The following TRPA1 variants were observed in gnomAD, a reference collection of about 807,000 sequenced individuals.
TRPA1 encodes the protein ankyrin-like with transmembrane domains 1.
TRPA1 carries 129 observed loss-of-function variants against 131.3 expected under a neutral mutation model. That is an observed-to-expected ratio of 0.98 (90% CI 0.85 to 1.14). The LOEUF (loss-of-function observed/expected upper bound fraction) is 1.14, where lower values mean the gene tolerates loss of function less well. Ranked by LOEUF, TRPA1 falls within the 50% of genes most tolerant of loss-of-function variation. The probability of loss-of-function intolerance (pLI) is 0.00; values close to 1 mark genes in which losing one functional copy is unlikely to be tolerated. For missense variants in TRPA1, 1,304 were observed against 1,354.2 expected (o/e 0.96, Z 0.58); for synonymous variants, 441 against 451.7 (o/e 0.98, Z 0.30).
At chr8:72,054,306 C>T (rs1263229766) in intron 12 of TRPA1, 1 of 215,598 alleles carries the variant, frequency 4.6e-6, no homozygotes, top group Admixed American at 5.3e-5. Context: ...GGTAATACTA[C>T]TAGTAATATG....
chr8:72,057,028 A>AG lies in TRPA1; in HGVS notation c.1094-12_1094-11insC, dbSNP rs1563398678. The stretch of plus-strand genomic sequence containing the variant: ...TGTCTACTTGGGCACCTAAAAAAAA[A>AG]CACTATGTAAATATAAATTCTATTC... On this transcript the variant is annotated splice_polypyrimidine_tract_variant and intron_variant, in intron 9 of 26. Coordinates refer to ENST00000262209, the MANE Select transcript of TRPA1 (RefSeq NM_007332.3). The AG allele has an allele frequency of 6.4e-7, 1 of 1,563,216 alleles. No individual in the cohort carries two copies.
At chr8:72,075,988 T>C (rs1213225639), upstream of TRPA1, among the ~76,000 whole-genome samples, 1 of 151,776 alleles carries the variant, frequency 6.6e-6, no homozygotes, top group African/African-American at 2.4e-5. Flanking sequence ...TTTCAGGAGT[T>C]TTTTCTAACT....
chr8:72,065,874 T>G (rs1385413298), intron 3 of TRPA1, among the ~76,000 whole-genome samples: 3 of 152,068 alleles, frequency 2.0e-5, no homozygotes, highest in Non-Finnish European at 4.4e-5. Context: ...GTAAGTGAAG[T>G]TATGTTAACT....
chr8:72,025,021 C>T, intron 25 of TRPA1, among the ~76,000 whole-genome samples: 1 of 152,038 alleles, frequency 6.6e-6, no homozygotes, highest in East Asian at 1.9e-4. Flanking sequence ...TATGGCCCTT[C>T]TTCCATTATA....
chr8:72,036,166 T>C, intron 21 of TRPA1, 122 bp downstream of exon 21: 1 of 1,046,592 alleles, frequency 9.6e-7, no homozygotes, highest in Non-Finnish European at 1.4e-6. Flanking sequence ...ACAAAAATTC[T>C]TCATATTTTG....
intron 24 of TRPA1, among the ~76,000 whole-genome samples, chr8:72,028,452 C>T (rs190842008): frequency 6.6e-4 from 100 of 152,318 alleles, no homozygotes; most frequent in African/African-American, 1.9e-3. Flanking sequence ...CCTTTCACGA[C>T]GGTATCGATG....
intron 18 of TRPA1, among the ~76,000 whole-genome samples, chr8:72,039,429 T>C (rs1812170964): frequency 1.3e-5 from 2 of 152,022 alleles, no homozygotes; most frequent in Admixed American, 6.6e-5. Context: ...AAAGAGCTTC[T>C]TCATGTCTTA....
chr8:72,087,064 AG>A, the TRPA1 span, among the ~76,000 whole-genome samples: 4 of 152,074 alleles, frequency 2.6e-5, no homozygotes, highest in Non-Finnish European at 5.9e-5. Flanking sequence ...ACTTCTTTGA[AG>A]GCTCACCTCT....
rs190590100 is a variant in TRPA1 at position 72,073,683 on chromosome 8, C to T, written c.111+1616G>A. Among the ~76,000 whole-genome samples the T allele has an allele frequency of 2.0e-4, 31 of 152,246 alleles. No homozygotes were observed. The East Asian group carries it at 4.4e-3, about 22-fold the overall frequency. ...ATCTAAATAAAGACTATTAGAAACA[C>T]GAAGACAAATAATTTTGAGACTCGC... On this transcript the variant is annotated intron_variant, in intron 1 of 26. Coordinates refer to ENST00000262209, the MANE Select transcript of TRPA1 (RefSeq NM_007332.3).
At chr8:72,071,421 A>G (rs1225054505) in intron 2 of TRPA1, among the ~76,000 whole-genome samples, 1 of 152,226 alleles carries the variant, frequency 6.6e-6, no homozygotes, top group Non-Finnish European at 1.5e-5. Context: ...CAATGGAAAT[A>G]GTATAAAGGA....
At position 72,026,028 on chromosome 8, in the gene TRPA1, G is replaced by T; in HGVS notation, c.2983C>A (p.Leu995Ile). 6.2e-7 allele frequency: 1 copy of T among 1,614,018 alleles called. No homozygotes were observed. The highest frequency in any genetic ancestry group is 8.5e-7 in the Non-Finnish European group (1 of 1,179,914). Residue 995 changes from leucine to isoleucine, a missense_variant, in exon 25 of 27, where the codon CTA (leucine) becomes ATA (isoleucine). Leu to Ile is a conservative substitution (Grantham distance 5). Transcript: ENST00000262209. ...SLEKKLPLWF[L>I]RKVDQKSTIV... ...GTGGATTTCTGATCCACTTTGCGTA[G>T]AAACCAAAGTGGCAGCTTCTTCTCT...
chr8:72,043,771 A>C (rs1029768219), intron 17 of TRPA1, among the ~76,000 whole-genome samples: 9 of 151,848 alleles, frequency 5.9e-5, no homozygotes, highest in African/African-American at 2.2e-4. Context: ...TTTTGCACTA[A>C]ACACCCACTT....
the TRPA1 span, among the ~76,000 whole-genome samples, chr8:72,081,034 A>AT: frequency 4.7e-5 from 7 of 150,226 alleles, no homozygotes; most frequent in Non-Finnish European, 7.4e-5. Flanking sequence ...CTTTTGTTTC[A>AT]TTTTTTTCTT....
chr8:72,036,606 G>C lies in TRPA1; in HGVS notation c.2386-149C>G. 3 of 714,736 alleles carry C rather than the reference G, an allele frequency of 4.2e-6. No homozygotes were observed. The South Asian group carries it at 5.7e-5, about 13-fold the overall frequency. 44.3% of individuals were successfully genotyped at this position (714,736 alleles called of 1,614,324 possible). A position where few individuals can be genotyped will look rare whatever the true frequency, so the allele number is the denominator to read the frequency against. Reference sequence around the variant, plus strand: ...CAAGGAGTAACCTCACGCCATCCTGGATTGACTTCAGAGTCCCCGGGGTAT... The same window carrying C: ...CAAGGAGTAACCTCACGCCATCCTGCATTGACTTCAGAGTCCCCGGGGTAT... On this transcript the variant is annotated intron_variant, in intron 20 of 26. Coordinates refer to ENST00000262209, the MANE Select transcript of TRPA1 (RefSeq NM_007332.3).
the TRPA1 span, among the ~76,000 whole-genome samples, chr8:72,088,670 A>C: frequency 6.6e-6 from 1 of 152,236 alleles, no homozygotes; most frequent in Non-Finnish European, 1.5e-5. Flanking sequence ...CCAGATGGAA[A>C]ATTTTGTTTA....
chr8:72,082,816 C>T, the TRPA1 span, among the ~76,000 whole-genome samples: 2 of 151,566 alleles, frequency 1.3e-5, no homozygotes, highest in African/African-American at 4.8e-5. Context: ...GTTCATGGAC[C>T]TTCTTGAATT....
At chr8:72,069,650 A>C (rs1806012618) in intron 2 of TRPA1, among the ~76,000 whole-genome samples, 1 of 152,146 alleles carries the variant, frequency 6.6e-6, no homozygotes, top group African/African-American at 2.4e-5. Context: ...GAGAGGTTAA[A>C]AGTCTTGCCA....
At chr8:72,052,232 GC>G (rs1805526555) in intron 14 of TRPA1, among the ~76,000 whole-genome samples, 1 of 152,130 alleles carries the variant, frequency 6.6e-6, no homozygotes, top group South Asian at 2.1e-4. Context: ...GACCAGCTTG[GC>G]TAACAAGGTG....
At chr8:72,045,063 A>G (rs1754006559) in intron 17 of TRPA1, among the ~76,000 whole-genome samples, 1 of 151,962 alleles carries the variant, frequency 6.6e-6, no homozygotes, top group African/African-American at 2.4e-5. Context: ...ATATGCAACA[A>G]ATTTTCTAAG....
Sources: allele counts gnomAD v4.1 joint callset (sites outside exome capture counted in the v4.1 genomes callset), GRCh38; gene constraint gnomAD v4.1.1; transcripts MANE v1.5; gene names NCBI Gene and HGNC (gene_info 2026-07-23, HGNC 2026-07-21).